The following SLC16A2 variants were observed in gnomAD, a reference collection of about 807,000 sequenced individuals.
The protein encoded by SLC16A2 is monocarboxylate transporter 8.
SLC16A2 carries 3 observed loss-of-function variants against 27.2 expected under a neutral mutation model. The ratio of observed to expected loss-of-function variants is 0.11; its 90% CI spans 0.05 to 0.28. The LOEUF (loss-of-function observed/expected upper bound fraction) is 0.28. Among genes scored for constraint, SLC16A2 ranks in the 10% least tolerant of loss-of-function variants. The pLI, the probability that SLC16A2 is intolerant of heterozygous loss-of-function variation, is 1.00. For synonymous variants in SLC16A2, 202 were observed against 187.8 expected, an observed-to-expected ratio of 1.08 and a Z score of -0.62; for missense variants, 295 against 458.5, an observed-to-expected ratio of 0.64 and a Z score of 3.26.
intron 1 of SLC16A2, among the ~76,000 whole-genome samples, chrX:74,437,567 T>A (rs1928650264): frequency 8.9e-6 from 1 of 112,118 alleles, no homozygotes; most frequent in African/African-American, 3.2e-5. Context: ...ATATTTTGCC[T>A]ATGGAAAAAC....
chrX:74,531,903 C>T lies in SLC16A2; in HGVS notation c.*350C>T, dbSNP rs190120288. On this transcript the variant is annotated 3_prime_UTR_variant, in exon 6 of 6. Coordinates refer to ENST00000587091, the MANE Select transcript of SLC16A2 (RefSeq NM_006517.5). ...TTAGTCACCCACTATAATCAACTGC[C>T]AAAGGTGCTACTGTGTCCCCAGGAG... The T allele has an allele frequency of 1.7e-4, 51 of 301,514 alleles. No individual in the cohort carries two copies. Among genetic ancestry groups the T allele is most frequent in the African/African-American group, 1.3e-3 (48 of 36,940 alleles). 24.8% of individuals were successfully genotyped at this position (301,514 alleles called of 1,213,427 possible).
intron 1 of SLC16A2, among the ~76,000 whole-genome samples, chrX:74,484,332 C>A (rs750816487): frequency 7.9e-4 from 88 of 111,789 alleles, no homozygotes; most frequent in African/African-American, 2.8e-3. Context: ...GAAGTTGGGG[C>A]TTCCAGGCTA....
intron 1 of SLC16A2, among the ~76,000 whole-genome samples, chrX:74,458,385 G>A (rs1929073236): frequency 8.9e-6 from 1 of 111,764 alleles, no homozygotes; most frequent in Admixed American, 9.5e-5. Context: ...TTTCGCTCTT[G>A]TTGCCCAGGC....
rs1013776448 is a variant in SLC16A2 at position 74,480,591 on chromosome X, G to T, written c.431-40399G>T. Among the ~76,000 whole-genome samples, 3 of 112,507 alleles carry T rather than the reference G, an allele frequency of 2.7e-5. No individual in the cohort carries two copies. The East Asian group carries it at 8.4e-4, about 31-fold the overall frequency. On this transcript the variant is annotated intron_variant, in intron 1 of 5. Coordinates refer to ENST00000587091, the MANE Select transcript of SLC16A2 (RefSeq NM_006517.5). Reference sequence around the variant, plus strand: ...TACATCACTCACACTGGGAGCTGTAGACTGGAGTTGTTCCTATTCATCCAT... The same window carrying T: ...TACATCACTCACACTGGGAGCTGTATACTGGAGTTGTTCCTATTCATCCAT...
At chrX:74,503,638 G>C (rs1247269191) in intron 1 of SLC16A2, among the ~76,000 whole-genome samples, 1 of 111,924 alleles carries the variant, frequency 8.9e-6, no homozygotes, top group Admixed American at 9.5e-5. Context: ...ACGTTAGATG[G>C]AGGGTCAGAA....
chrX:74,428,770 C>T (rs1209146685), intron 1 of SLC16A2, among the ~76,000 whole-genome samples: 1 of 112,024 alleles, frequency 8.9e-6, no homozygotes, highest in Non-Finnish European at 1.9e-5. Flanking sequence ...ACTTCTACAC[C>T]TCTTTCCACA....
At chrX:74,478,252 T>G (rs1929530584) in intron 1 of SLC16A2, among the ~76,000 whole-genome samples, 1 of 111,920 alleles carries the variant, frequency 8.9e-6, no homozygotes, top group Admixed American at 9.5e-5. Context: ...TGGCCTTCTT[T>G]GTCTCTTTTG....
chrX:74,471,866 C>T (rs751106440), intron 1 of SLC16A2, among the ~76,000 whole-genome samples: 319 of 111,919 alleles, frequency 2.9e-3, no homozygotes, highest in Non-Finnish European at 4.8e-3. Flanking sequence ...TTTGATGACT[C>T]TAGGTACATC....
chrX:74,452,274 C>A (rs1459015907), intron 1 of SLC16A2, among the ~76,000 whole-genome samples: 2 of 111,955 alleles, frequency 1.8e-5, no homozygotes, highest in African/African-American at 6.5e-5. Flanking sequence ...CCTTCCCTCT[C>A]ATCCTGCTGG....
chrX:74,464,936 GCAACAA>G (rs752511999), intron 1 of SLC16A2, among the ~76,000 whole-genome samples: 3 of 110,783 alleles, frequency 2.7e-5, no homozygotes, highest in African/African-American at 9.8e-5. Context: ...CTCAATAACA[GCAACAA>G]CAACAACAAC....
chrX:74,460,095 C>T (rs977504995), intron 1 of SLC16A2, among the ~76,000 whole-genome samples: 1 of 111,890 alleles, frequency 8.9e-6, no homozygotes, highest in African/African-American at 3.2e-5. Flanking sequence ...ATAAGTAATA[C>T]AGTAGAAGCT....
At chrX:74,514,630 C>G (rs1362996867) in intron 1 of SLC16A2, among the ~76,000 whole-genome samples, 1 of 111,816 alleles carries the variant, frequency 8.9e-6, no homozygotes. Flanking sequence ...CCAACCACCT[C>G]TCCTACTCCT....
intron 1 of SLC16A2, among the ~76,000 whole-genome samples, chrX:74,490,538 C>T (rs980399414): frequency 4.5e-5 from 5 of 110,718 alleles, no homozygotes; most frequent in Non-Finnish European, 9.4e-5. Flanking sequence ...GGGCTCAAAT[C>T]GTGGAGTGAC....
intron 1 of SLC16A2, among the ~76,000 whole-genome samples, chrX:74,447,322 T>C (rs901566749): frequency 9.0e-6 from 1 of 111,555 alleles, no homozygotes; most frequent in Non-Finnish European, 1.9e-5. Context: ...GCCCACTAAC[T>C]CCCTGTGTGA....
intron 1 of SLC16A2, among the ~76,000 whole-genome samples, chrX:74,497,530 T>C (rs908992369): frequency 2.0e-4 from 22 of 108,992 alleles, no homozygotes; most frequent in African/African-American, 6.7e-4. Flanking sequence ...TTGGGGTCGG[T>C]ACCCCAAAGC....
At chrX:74,481,046 A>G (rs1170926656) in intron 1 of SLC16A2, among the ~76,000 whole-genome samples, 4 of 112,689 alleles carry the variant, frequency 3.5e-5, no homozygotes, top group Non-Finnish European at 5.6e-5. Flanking sequence ...TGATTATCAA[A>G]TGTTAACTCA....
In SLC16A2 at chrX:74,422,155, G is replaced by A. The variant is rs1928315431; in HGVS notation, c.430+88G>A. 7.3e-6 allele frequency: 7 copies of A among 954,362 alleles called. No homozygotes were observed. In the Admixed American group the frequency reaches 1.0e-4, roughly 14 times the overall value. 78.7% of individuals were successfully genotyped at this position (954,362 alleles called of 1,213,427 possible). On this transcript the variant is annotated intron_variant, in intron 1 of 5. Transcript: ENST00000587091. ...GACCCCATACCTCCCGGTCCGAGGC[G>A]CCCCTCCAACGCGCCTCTCCGACTC...
intron 1 of SLC16A2, among the ~76,000 whole-genome samples, chrX:74,442,256 G>A (rs1460783963): frequency 1.8e-5 from 2 of 109,212 alleles, no homozygotes; most frequent in African/African-American, 3.3e-5. Flanking sequence ...AAAAGAAATG[G>A]GAATTTGTGC....
intron 1 of SLC16A2, among the ~76,000 whole-genome samples, chrX:74,517,225 C>T (rs985593814): frequency 8.9e-6 from 1 of 112,147 alleles, no homozygotes; most frequent in Non-Finnish European, 1.9e-5. Flanking sequence ...TGGGACCTCT[C>T]TGGACTATCT....
Sources: gnomAD v4.1 joint callset for allele counts (sites outside exome capture counted in the v4.1 genomes callset) on GRCh38, gnomAD v4.1.1 for gene constraint, MANE v1.5 for transcripts, NCBI Gene and HGNC (gene_info 2026-07-23, HGNC 2026-07-21) for gene names.